GRID2: variants seen among roughly 807,000 people sequenced by gnomAD.
GRID2 encodes glutamate ionotropic receptor delta type subunit 2, also known as glutamate receptor ionotropic, delta-2.
GRID2 carries 33 observed loss-of-function variants against 114.8 expected under a neutral mutation model. That is an observed-to-expected ratio of 0.29 (90% CI 0.22 to 0.38). The LOEUF (loss-of-function observed/expected upper bound fraction) is 0.38. Ranked by LOEUF, GRID2 falls within the 10% of genes least tolerant of loss-of-function variation. GRID2 has a pLI of 1.00. For synonymous variants in GRID2, 505 were observed against 449.9 expected (o/e 1.12, Z -1.55); for missense variants, 1,184 against 1,257.7 (o/e 0.94, Z 0.89).
At chr4:92,673,223 T>G (rs1733163489) in intron 2 of GRID2, among the ~76,000 whole-genome samples, 1 of 152,298 alleles carries the variant, frequency 6.6e-6, no homozygotes, top group African/African-American at 2.4e-5. Flanking sequence ...TTACAAAATT[T>G]ATCTTTCACT....
intron 1 of GRID2, among the ~76,000 whole-genome samples, chr4:92,343,961 G>A (rs1206941113): frequency 1.3e-5 from 2 of 152,120 alleles, no homozygotes; most frequent in Admixed American, 6.6e-5. Context: ...AAGCAGAAGT[G>A]GATCATCATA....
chr4:93,230,672 T>G (rs1478854961), intron 7 of GRID2, among the ~76,000 whole-genome samples: 1 of 152,142 alleles, frequency 6.6e-6, no homozygotes, highest in African/African-American at 2.4e-5. Context: ...CCAGGTTTTT[T>G]GGTTTCTAAT....
At chr4:93,096,419 A>C (rs923793738) in intron 3 of GRID2, among the ~76,000 whole-genome samples, 1 of 151,994 alleles carries the variant, frequency 6.6e-6, no homozygotes, top group Admixed American at 6.6e-5. Flanking sequence ...CTGTGCAATA[A>C]ATTCTAAAAC....
chr4:92,384,540 A>ATAAT (rs1729803159), intron 1 of GRID2, among the ~76,000 whole-genome samples: 1 of 47,212 alleles, frequency 2.1e-5, no homozygotes, highest in African/African-American at 8.1e-5. Context: ...TATATAATAT[A>ATAAT]ATATATAATA....
chr4:92,757,970 T>C (rs1284242324), intron 2 of GRID2, among the ~76,000 whole-genome samples: 1 of 151,626 alleles, frequency 6.6e-6, no homozygotes, highest in East Asian at 1.9e-4. Flanking sequence ...AAAAAGAACA[T>C]GGGGGTGAGA....
At chr4:92,384,601 A>T (rs1475267683) in intron 1 of GRID2, among the ~76,000 whole-genome samples, 2 of 51,756 alleles carry the variant, frequency 3.9e-5, no homozygotes, top group South Asian at 5.6e-4. Context: ...TATATAACAT[A>T]ATATATAATA....
intron 2 of GRID2, among the ~76,000 whole-genome samples, chr4:92,623,231 A>G (rs899366808): frequency 1.9e-4 from 29 of 151,704 alleles, no homozygotes; most frequent in Non-Finnish European, 1.5e-5. Flanking sequence ...ATTCAATAGA[A>G]TAAGTACTTT....
chr4:92,973,976 T>G (rs1276297979), intron 2 of GRID2, among the ~76,000 whole-genome samples: 8 of 151,976 alleles, frequency 5.3e-5, no homozygotes, highest in African/African-American at 1.9e-4. Context: ...CTACAAAACT[T>G]AAACAAATTT....
intron 2 of GRID2, among the ~76,000 whole-genome samples, chr4:92,922,211 A>G (rs1441474600): frequency 1.3e-5 from 2 of 152,100 alleles, no homozygotes; most frequent in African/African-American, 4.8e-5. Flanking sequence ...CAGTATTACG[A>G]TGGGAGTGAC....
At chr4:93,309,162 T>C (rs1480174179) in intron 8 of GRID2, among the ~76,000 whole-genome samples, 1 of 152,194 alleles carries the variant, frequency 6.6e-6, no homozygotes, top group Non-Finnish European at 1.5e-5. Context: ...CAAATATGTA[T>C]TCCTTTAGGT....
intron 2 of GRID2, among the ~76,000 whole-genome samples, chr4:92,745,713 TTGGTGTG>T (rs1342816648): frequency 6.6e-6 from 1 of 152,136 alleles, no homozygotes; most frequent in East Asian, 1.9e-4. Context: ...GAGCAATAAT[TTGGTGTG>T]TGGTGGTGGT....
chr4:92,870,144 T>A (rs1213687873), intron 2 of GRID2, among the ~76,000 whole-genome samples: 1 of 151,888 alleles, frequency 6.6e-6, no homozygotes, highest in Non-Finnish European at 1.5e-5. Context: ...AAGTTTGTGG[T>A]GAGCTGTGAT....
chr4:93,624,837 T>A (rs1206994292), intron 13 of GRID2, among the ~76,000 whole-genome samples: 1 of 152,148 alleles, frequency 6.6e-6, no homozygotes, highest in Non-Finnish European at 1.5e-5. Context: ...TTGGGTAAAT[T>A]TGTGACTTAG....
intron 2 of GRID2, among the ~76,000 whole-genome samples, chr4:92,971,551 A>G (rs1417117211): frequency 1.3e-5 from 2 of 152,072 alleles, no homozygotes; most frequent in Admixed American, 6.6e-5. Context: ...TGAACATTTA[A>G]AATCCTCTTT....
intron 1 of GRID2, among the ~76,000 whole-genome samples, chr4:92,319,174 A>G (rs1726172961): frequency 6.6e-6 from 1 of 152,194 alleles, no homozygotes; most frequent in Non-Finnish European, 1.5e-5. Context: ...CTTACTCCTA[A>G]GAAGTGAATT....
intron 5 of GRID2, among the ~76,000 whole-genome samples, chr4:93,214,051 A>G (rs1247562452): frequency 6.6e-6 from 1 of 152,096 alleles, no homozygotes; most frequent in Non-Finnish European, 1.5e-5. Flanking sequence ...AATATACTCA[A>G]TAAAATAAAG....
chr4:92,667,769 T>C (rs927636165), intron 2 of GRID2, among the ~76,000 whole-genome samples: 7 of 151,762 alleles, frequency 4.6e-5, no homozygotes, highest in Admixed American at 1.3e-4. Context: ...TAATTCCTTA[T>C]TAAAGTAAAT....
chr4:92,461,483 T>C (rs897655035), intron 1 of GRID2, among the ~76,000 whole-genome samples: 1 of 151,994 alleles, frequency 6.6e-6, no homozygotes, highest in Non-Finnish European at 1.5e-5. Context: ...AAACTTGAAA[T>C]GACAAACCCT....
At chr4:93,343,543 C>T (rs886555291) in intron 8 of GRID2, among the ~76,000 whole-genome samples, 11 of 151,926 alleles carry the variant, frequency 7.2e-5, no homozygotes, top group Non-Finnish European at 1.6e-4. Context: ...CTTTAGAGTC[C>T]TTCATTTTGA....
Sources: allele counts gnomAD v4.1 joint callset (sites outside exome capture counted in the v4.1 genomes callset), GRCh38; gene constraint gnomAD v4.1.1; transcripts MANE v1.5; gene names NCBI Gene and HGNC (gene_info 2026-07-23, HGNC 2026-07-21).